CAMSAP1: variants seen among roughly 807,000 people sequenced by gnomAD.
CAMSAP1 encodes calmodulin regulated spectrin associated protein 1, also known as calmodulin-regulated spectrin-associated protein 1.
Under a neutral mutation model 143.5 loss-of-function variants are expected in CAMSAP1, and 58 were observed. That is an observed-to-expected ratio of 0.40 (90% CI 0.33 to 0.50). CAMSAP1 has a LOEUF of 0.50. CAMSAP1 is among the 20% of genes least tolerant of loss of function. The pLI, the probability that CAMSAP1 is intolerant of heterozygous loss-of-function variation, is 0.45. For synonymous variants in CAMSAP1, 945 were observed against 859.3 expected, an observed-to-expected ratio of 1.10 and a Z score of -1.74; for missense variants, 1,969 against 2,115.7, an observed-to-expected ratio of 0.93 and a Z score of 1.36.
At position 135,822,473 on chromosome 9, in the gene CAMSAP1, G is replaced by A; in HGVS notation, c.2188C>T (p.Pro730Ser). Residue 730 changes from proline to serine, a missense_variant, in exon 11 of 17, where the codon CCG becomes TCG. Physicochemically the swap from Pro to Ser is moderately conservative, Grantham distance 74. Transcript: ENST00000389532. This position sits in a 1 kb window ranked among gnomAD's most constrained non-coding sequence, Gnocchi z 6.1. ...GAATCCTGCCTGAGGAGAGTCCACG[G>A]CTCTGAATCGTGGGAGTTGGGGCTT... ...SKSPNSHDSE[P>S]WTLLRQDSDS... 1.9e-6 allele frequency: 3 copies of A among 1,613,956 alleles called. No individual in the cohort carries two copies. The highest frequency in any genetic ancestry group is 2.5e-6 in the Non-Finnish European group (3 of 1,179,898).
At chr9:135,904,795 T>A (rs1838722501) in intron 1 of CAMSAP1, among the ~76,000 whole-genome samples, 1 of 152,114 alleles carries the variant, frequency 6.6e-6, no homozygotes, top group East Asian at 1.9e-4. Context: ...GAGTAACCCG[T>A]CTCTACGAAA....
At chr9:135,896,673 A>T (rs1397499974) in intron 1 of CAMSAP1, among the ~76,000 whole-genome samples, 1 of 152,248 alleles carries the variant, frequency 6.6e-6, no homozygotes, top group Non-Finnish European at 1.5e-5. Context: ...TCTTAATGAA[A>T]TCATATGGGA....
intron 3 of CAMSAP1, among the ~76,000 whole-genome samples, chr9:135,879,237 A>C (rs534538173): frequency 4.6e-5 from 7 of 152,262 alleles, no homozygotes; most frequent in African/African-American, 1.4e-4. Flanking sequence ...TAGAAACGAG[A>C]ATAGCATGGA....
chr9:135,858,431 A>C (rs540025461), intron 5 of CAMSAP1, among the ~76,000 whole-genome samples: 1 of 152,190 alleles, frequency 6.6e-6, no homozygotes, highest in Non-Finnish European at 1.5e-5. Context: ...ATCAGTGAGC[A>C]AAACAGGTAA....
rs41309387 is a variant in CAMSAP1, at chr9:135,818,051, G to A, written c.4197C>T (p.Gly1399=). 7.9e-3 allele frequency: 12,712 copies of A among 1,613,798 alleles called. 66 individuals carry two copies. The highest frequency in any genetic ancestry group is 9.9e-3 in the Middle Eastern group (60 of 6,062). Residue 1399 remains glycine, a synonymous_variant, in exon 14 of 17, where the codon GGC becomes GGT. Coordinates refer to ENST00000389532, the MANE Select transcript of CAMSAP1 (RefSeq NM_015447.4). The surrounding 1 kb of genome is among the most constrained non-coding windows in gnomAD (Gnocchi z 7.7). ...TPDNLSRTQS[G]SSLSLASAAT... ...CCGCAGAGGCCAAGGACAGGCTGGA[G>A]CCTGACTGAGTCCGGCTCAAGTTAT...
At chr9:135,903,015 G>GT (rs1485889353) in intron 1 of CAMSAP1, among the ~76,000 whole-genome samples, 1 of 152,184 alleles carries the variant, frequency 6.6e-6, no homozygotes, top group Admixed American at 6.5e-5. Flanking sequence ...GCCCTGGGTT[G>GT]TTTTTTAACA....
chr9:135,816,378 G>A (rs1835231137), intron 14 of CAMSAP1, among the ~76,000 whole-genome samples: 1 of 152,194 alleles, frequency 6.6e-6, no homozygotes, highest in South Asian at 2.1e-4. Flanking sequence ...CACCTGTGCT[G>A]CTGCCCAGCC....
At chr9:135,884,119 C>A (rs1164973996) in intron 1 of CAMSAP1, among the ~76,000 whole-genome samples, 1 of 152,154 alleles carries the variant, frequency 6.6e-6, no homozygotes, top group African/African-American at 2.4e-5. Flanking sequence ...ATGTGCCCCG[C>A]GCCCAACACT....
In CAMSAP1 at chr9:135,885,352, G is replaced by A. The variant is rs7025828; in HGVS notation, c.161-2274C>T. 8.5e-3 allele frequency among the ~76,000 whole-genome samples: 1,289 copies of A among 152,190 alleles called. 13 individuals carry two copies. Among genetic ancestry groups the A allele is most frequent in the African/African-American group, 0.028 (1,156 of 41,520 alleles). Reference sequence around the variant, plus strand: ...GTCTGGGGGCACCTCGAGCCTAACCGGCCTGGTCCAAGCCACCCTCTCCTC... The same window carrying A: ...GTCTGGGGGCACCTCGAGCCTAACCAGCCTGGTCCAAGCCACCCTCTCCTC... On this transcript the variant is annotated intron_variant, in intron 1 of 16. Transcript: ENST00000389532.
chr9:135,851,980 A>G (rs1455841258), intron 5 of CAMSAP1, among the ~76,000 whole-genome samples: 1 of 152,030 alleles, frequency 6.6e-6, no homozygotes, highest in African/African-American at 2.4e-5. Context: ...CTCCAGTCCC[A>G]CCCACAGCAC....
At chr9:135,812,796 C>G (rs143135994) in intron 16 of CAMSAP1, among the ~76,000 whole-genome samples, 2,065 of 152,198 alleles carry the variant, frequency 0.014, 52 homozygotes, top group African/African-American at 0.048. Context: ...TGGTGAAACC[C>G]CATCTCTACT....
intron 7 of CAMSAP1, 43 bp downstream of exon 7, chr9:135,850,094 C>T (rs987501980): frequency 6.6e-7 from 1 of 1,506,212 alleles, no homozygotes; most frequent in Non-Finnish European, 9.1e-7. Context: ...ACTCTAGGCT[C>T]TCAAGGAAAC....
intron 7 of CAMSAP1, among the ~76,000 whole-genome samples, chr9:135,846,755 A>G (rs1303454267): frequency 6.6e-6 from 1 of 152,138 alleles, no homozygotes; most frequent in African/African-American, 2.4e-5. Flanking sequence ...AAGAAGACAT[A>G]TATGCGGCCG....
At chr9:135,831,293 A>T (rs1835851775) in intron 7 of CAMSAP1, among the ~76,000 whole-genome samples, 1 of 152,210 alleles carries the variant, frequency 6.6e-6, no homozygotes. Flanking sequence ...CTTAAGCTGA[A>T]TGAAGCGGAA....
chr9:135,838,857 C>T (rs966893435), intron 7 of CAMSAP1, among the ~76,000 whole-genome samples: 12 of 151,328 alleles, frequency 7.9e-5, no homozygotes, highest in African/African-American at 2.9e-4. Context: ...TCTACCCATT[C>T]TGTAGCCACA....
intron 1 of CAMSAP1, among the ~76,000 whole-genome samples, chr9:135,900,483 G>A (rs1403002982): frequency 6.6e-6 from 1 of 151,936 alleles, no homozygotes; most frequent in Non-Finnish European, 1.5e-5. Flanking sequence ...CACGAGGTCA[G>A]GAGATCGAGA....
At chr9:135,843,716 C>CA (rs1018917678) in intron 7 of CAMSAP1, among the ~76,000 whole-genome samples, 11 of 150,734 alleles carry the variant, frequency 7.3e-5, no homozygotes, top group South Asian at 2.1e-4. Context: ...CTAAAAAATA[C>CA]AAAAAAAATT....
intron 3 of CAMSAP1, among the ~76,000 whole-genome samples, chr9:135,876,363 A>G (rs1837748612): frequency 6.6e-6 from 1 of 152,190 alleles, no homozygotes; most frequent in Non-Finnish European, 1.5e-5. Context: ...AAATACATAC[A>G]TTTCTAAAAA....
In CAMSAP1 at chr9:135,860,513, G is replaced by T. The variant is rs531550426; in HGVS notation, c.808+1954C>A. Among the ~76,000 whole-genome samples the T allele has an allele frequency of 2.0e-5, 3 of 149,860 alleles. No individual in the cohort carries two copies. The Admixed American group carries it at 2.0e-4, about 10-fold the overall frequency. On this transcript the variant is annotated intron_variant, in intron 5 of 16. Transcript: ENST00000389532. ...CTCGGGAGGCTGAGGTGGGAGAATC[G>T]CTTGAACCTGGGAAGTGGAGGTTGC...
Sources: gnomAD v4.1 joint callset for allele counts (sites outside exome capture counted in the v4.1 genomes callset) on GRCh38, gnomAD v4.1.1 for gene constraint, Gnocchi (gnomAD v3.1) non-coding constraint, MANE v1.5 for transcripts, NCBI Gene and HGNC (gene_info 2026-07-23, HGNC 2026-07-21) for gene names.